The following PRIM2 variants were observed in gnomAD, a reference collection of about 807,000 sequenced individuals.
The protein encoded by PRIM2 is DNA primase large subunit.
Under a neutral mutation model 67.3 loss-of-function variants are expected in PRIM2, and 39 were observed. The observed-to-expected ratio is 0.58, with a 90% CI of 0.45 to 0.76. The LOEUF (loss-of-function observed/expected upper bound fraction) is 0.76. Among genes scored for constraint, PRIM2 ranks in the 30% least tolerant of loss-of-function variants. The pLI, the probability that PRIM2 is intolerant of heterozygous loss-of-function variation, is 0.00. For missense variants in PRIM2, 398 were observed against 598.7 expected (o/e 0.66, Z 3.50); for synonymous variants, 143 against 198.7 (o/e 0.72, Z 2.36).
At chr6:57,412,808 T>G (rs1771135211) in intron 7 of PRIM2, among the ~76,000 whole-genome samples, 1 of 151,778 alleles carries the variant, frequency 6.6e-6, no homozygotes, top group South Asian at 2.1e-4. Context: ...GAAACAGAAA[T>G]GGAAAAACAA....
At chr6:57,424,290 A>G (rs1322871620) in intron 7 of PRIM2, among the ~76,000 whole-genome samples, 1 of 152,186 alleles carries the variant, frequency 6.6e-6, no homozygotes, top group Non-Finnish European at 1.5e-5. Flanking sequence ...GTACTTTATT[A>G]ACAAAAAGAT....
At chr6:57,372,070 A>G (rs1769579768) in intron 5 of PRIM2, among the ~76,000 whole-genome samples, 1 of 152,218 alleles carries the variant, frequency 6.6e-6, no homozygotes, top group Admixed American at 6.5e-5. Context: ...ATGAGTGTTG[A>G]TTATCTGTAA....
At chr6:57,285,166 A>G in the PRIM2 span, among the ~76,000 whole-genome samples, 1 of 152,212 alleles carries the variant, frequency 6.6e-6, no homozygotes, top group African/African-American at 2.4e-5. Flanking sequence ...CCAGGACTGG[A>G]CGGATTCACA....
chr6:57,446,610 G>A (rs1460197402), intron 7 of PRIM2, among the ~76,000 whole-genome samples: 1 of 151,798 alleles, frequency 6.6e-6, no homozygotes, highest in African/African-American at 2.4e-5. Flanking sequence ...AAACAAGGTG[G>A]ATAGGTGAGA....
the PRIM2 span, among the ~76,000 whole-genome samples, chr6:57,254,862 T>C: frequency 6.6e-6 from 1 of 152,200 alleles, no homozygotes; most frequent in African/African-American, 2.4e-5. Context: ...ATCTTAGTTA[T>C]AGATTAGAAG....
intron 7 of PRIM2, among the ~76,000 whole-genome samples, chr6:57,394,501 G>C (rs1770455822): frequency 6.6e-6 from 1 of 152,048 alleles, no homozygotes; most frequent in Non-Finnish European, 1.5e-5. Flanking sequence ...CTACTGATTT[G>C]TGTACATTAA....
intron 7 of PRIM2, among the ~76,000 whole-genome samples, chr6:57,447,586 A>C (rs565710266): frequency 6.6e-6 from 1 of 152,360 alleles, no homozygotes; most frequent in South Asian, 2.1e-4. Flanking sequence ...ACATTGATTT[A>C]ATTGAAGCAG....
chr6:57,400,035 T>G (rs1770652628), intron 7 of PRIM2, among the ~76,000 whole-genome samples: 1 of 152,254 alleles, frequency 6.6e-6, no homozygotes, highest in Non-Finnish European at 1.5e-5. Flanking sequence ...CAGCATACCA[T>G]TGGGTCTTGC....
At chr6:57,538,122 C>T (rs1455125232) in intron 10 of PRIM2, among the ~76,000 whole-genome samples, 4 of 152,116 alleles carry the variant, frequency 2.6e-5, no homozygotes, top group African/African-American at 7.2e-5. Flanking sequence ...TCAAGTGATC[C>T]TCCCACTTCA....
At chr6:57,554,640 C>G (rs1374918727) in intron 10 of PRIM2, among the ~76,000 whole-genome samples, 99 of 152,266 alleles carry the variant, frequency 6.5e-4, no homozygotes, top group Admixed American at 2.1e-3. Context: ...TTTATGTTCT[C>G]CCCACCCATC....
At chr6:57,259,233 G>A in the PRIM2 span, among the ~76,000 whole-genome samples, 4 of 152,190 alleles carry the variant, frequency 2.6e-5, no homozygotes, top group Admixed American at 1.3e-4. Context: ...ATAACAAACC[G>A]CATCACACAA....
the PRIM2 span, chr6:57,221,605 G>C: frequency 1.3e-5 from 2 of 152,376 alleles, no homozygotes; most frequent in Non-Finnish European, 2.9e-5. Context: ...AGCCCGGGTC[G>C]CCCCTTCCCC....
At chr6:57,372,822 T>C (rs978250890) in intron 5 of PRIM2, among the ~76,000 whole-genome samples, 5 of 152,236 alleles carry the variant, frequency 3.3e-5, no homozygotes, top group Admixed American at 1.3e-4. Context: ...CCGTGGTGTA[T>C]ATGTACCACA....
At chr6:57,305,674 T>C in the PRIM2 span, among the ~76,000 whole-genome samples, 1 of 152,226 alleles carries the variant, frequency 6.6e-6, no homozygotes. Context: ...ATTAGGCTCC[T>C]TTGTTCAAAT....
At chr6:57,520,118 G>T (rs1774581255) in intron 8 of PRIM2, among the ~76,000 whole-genome samples, 1 of 152,208 alleles carries the variant, frequency 6.6e-6, no homozygotes, top group Non-Finnish European at 1.5e-5. Context: ...TAATGTGACT[G>T]TTGGACTGTG....
chr6:57,451,280 A>G (rs1373904569), intron 7 of PRIM2, among the ~76,000 whole-genome samples: 11 of 152,222 alleles, frequency 7.2e-5, no homozygotes, highest in Non-Finnish European at 1.6e-4. Flanking sequence ...AGCTGGGATT[A>G]CAGGTGCCCA....
chr6:57,275,077 A>G, the PRIM2 span, among the ~76,000 whole-genome samples: 1 of 151,590 alleles, frequency 6.6e-6, no homozygotes, highest in East Asian at 1.9e-4. Context: ...CCCTCCTCCC[A>G]CATTTATACA....
chr6:57,246,038 A>C, the PRIM2 span, among the ~76,000 whole-genome samples: 45 of 152,350 alleles, frequency 3.0e-4, no homozygotes, highest in African/African-American at 9.9e-4. Context: ...ATCTCTATCC[A>C]TCCATTTATC....
rs562554930 is a variant in PRIM2 at position 57,322,144 on chromosome 6, G to A, written c.258+1584G>A. 6.6e-5 allele frequency among the ~76,000 whole-genome samples: 10 copies of A among 152,248 alleles called. No individual in the cohort carries two copies. The East Asian group carries it at 1.2e-3, about 18-fold the overall frequency. ...AGAAATAGGGCAGAATATAGGGGTT[G>A]TTTTAGGGAAAAGAGAAGATATACA... On this transcript the variant is annotated intron_variant, in intron 3 of 13. Coordinates refer to ENST00000615550, the MANE Select transcript of PRIM2 (RefSeq NM_000947.5).
Sources: allele counts gnomAD v4.1 joint callset (sites outside exome capture counted in the v4.1 genomes callset), GRCh38; gene constraint gnomAD v4.1.1; transcripts MANE v1.5; gene names NCBI Gene and HGNC (gene_info 2026-07-23, HGNC 2026-07-21).